Variants in GABRB1 observed in about 807,000 individuals in gnomAD.
GABRB1 encodes gamma-aminobutyric acid type A receptor subunit beta1.
GABRB1 carries 17 observed loss-of-function variants against 51.6 expected under a neutral mutation model. The observed-to-expected ratio is 0.33, with a 90% CI of 0.23 to 0.49. GABRB1 has a LOEUF of 0.49. GABRB1 is among the 20% of genes least tolerant of loss of function. The pLI is 0.99. For synonymous variants in GABRB1, 247 were observed against 218.9 expected (o/e 1.13, Z -1.14); for missense variants, 410 against 600.6 (o/e 0.68, Z 3.32).
intron 3 of GABRB1, among the ~76,000 whole-genome samples, chr4:47,084,592 CAT>C (rs1366061544): frequency 1.3e-5 from 2 of 152,202 alleles, no homozygotes; most frequent in Admixed American, 1.3e-4. Context: ...AAGCACTTAA[CAT>C]AGCACTTGGC....
At chr4:47,284,119 A>G (rs1250597384) in intron 4 of GABRB1, among the ~76,000 whole-genome samples, 1 of 151,170 alleles carries the variant, frequency 6.6e-6, no homozygotes, top group Non-Finnish European at 1.5e-5. Flanking sequence ...AAAAAAAAAA[A>G]AGGAAGTCCC....
intron 3 of GABRB1, among the ~76,000 whole-genome samples, chr4:47,114,590 T>C (rs1479514719): frequency 1.3e-5 from 2 of 152,232 alleles, no homozygotes; most frequent in African/African-American, 2.4e-5. Flanking sequence ...ATATTTGGCA[T>C]GTGACTTTTC....
chr4:47,099,379 A>G (rs1465813214), intron 3 of GABRB1, among the ~76,000 whole-genome samples: 1 of 151,446 alleles, frequency 6.6e-6, no homozygotes, highest in Non-Finnish European at 1.5e-5. Context: ...TGGACTTTTC[A>G]TTACTCCATT....
At chr4:47,211,206 A>C (rs974039432) in intron 4 of GABRB1, among the ~76,000 whole-genome samples, 62 of 152,158 alleles carry the variant, frequency 4.1e-4, no homozygotes, top group Admixed American at 4.1e-3. Context: ...ATATGAGTTT[A>C]TGACATCCTT....
intron 4 of GABRB1, among the ~76,000 whole-genome samples, chr4:47,173,717 T>C (rs1261615751): frequency 1.3e-5 from 2 of 152,186 alleles, no homozygotes; most frequent in African/African-American, 2.4e-5. Context: ...TTATTTGAGT[T>C]TTCTACCTGT....
At chr4:46,994,243 T>C (rs889719712) in intron 1 of GABRB1, 1 of 152,246 alleles carries the variant, frequency 6.6e-6, no homozygotes, top group Admixed American at 6.5e-5. Flanking sequence ...CCCATTTCTT[T>C]ACCCGCCTCC....
chr4:47,093,977 A>G (rs939996805), intron 3 of GABRB1, among the ~76,000 whole-genome samples: 2 of 151,688 alleles, frequency 1.3e-5, no homozygotes, highest in Non-Finnish European at 2.9e-5. Flanking sequence ...AAAAGTGATC[A>G]CTACTGCCTT....
intron 4 of GABRB1, among the ~76,000 whole-genome samples, chr4:47,220,098 A>T (rs182369306): frequency 6.6e-5 from 10 of 152,052 alleles, no homozygotes; most frequent in African/African-American, 2.4e-4. Context: ...ATGCTTTAAA[A>T]GAGTCCCTAT....
chr4:47,087,269 G>A (rs894605268), intron 3 of GABRB1, among the ~76,000 whole-genome samples: 6 of 105,202 alleles, frequency 5.7e-5, no homozygotes, highest in Admixed American at 3.3e-4. Context: ...AATAAAATAC[G>A]GTAGCATTAA....
At chr4:47,322,372 G>C (rs547463538) in intron 5 of GABRB1, among the ~76,000 whole-genome samples, 1 of 152,274 alleles carries the variant, frequency 6.6e-6, no homozygotes, top group Admixed American at 6.5e-5. Flanking sequence ...ACAATTCCTA[G>C]ATACTTACCT....
chr4:47,254,357 C>CTT (rs1560299723), intron 4 of GABRB1, among the ~76,000 whole-genome samples: 1 of 49,660 alleles, frequency 2.0e-5, no homozygotes, highest in Admixed American at 2.3e-4. Context: ...TGTTTCTTTT[C>CTT]TTTGTTTTTT....
chr4:47,340,829 A>G (rs1228982633), intron 5 of GABRB1, among the ~76,000 whole-genome samples: 3 of 152,210 alleles, frequency 2.0e-5, no homozygotes, highest in East Asian at 1.9e-4. Context: ...CATCTTTTCT[A>G]TGATAGCTGT....
chr4:47,087,901 T>C (rs376043127), intron 3 of GABRB1, among the ~76,000 whole-genome samples: 1 of 152,238 alleles, frequency 6.6e-6, no homozygotes, highest in Admixed American at 6.5e-5. Flanking sequence ...AGGCTTTTGA[T>C]ACAAAGAAGC....
intron 4 of GABRB1, among the ~76,000 whole-genome samples, chr4:47,301,492 G>A (rs1284298588): frequency 6.6e-6 from 1 of 151,944 alleles, no homozygotes; most frequent in Non-Finnish European, 1.5e-5. Context: ...AATTTAGCCA[G>A]GCATGGTGGT....
At chr4:47,107,917 A>G (rs945685229) in intron 3 of GABRB1, among the ~76,000 whole-genome samples, 1 of 152,074 alleles carries the variant, frequency 6.6e-6, no homozygotes, top group African/African-American at 2.4e-5. Flanking sequence ...AGAAAAAATA[A>G]AAGCTGCTAA....
chr4:47,223,652 A>G (rs1215899145), intron 4 of GABRB1, among the ~76,000 whole-genome samples: 2 of 152,122 alleles, frequency 1.3e-5, no homozygotes, highest in South Asian at 2.1e-4. Flanking sequence ...AGAGGCATGT[A>G]GGCTTTGGAA....
At chr4:47,232,690 G>A (rs1721182888) in intron 4 of GABRB1, among the ~76,000 whole-genome samples, 1 of 152,098 alleles carries the variant, frequency 6.6e-6, no homozygotes, top group Non-Finnish European at 1.5e-5. Context: ...CATGCTGTTA[G>A]TATCCACATC....
chr4:47,128,761 G>A (rs1040769737), intron 3 of GABRB1, among the ~76,000 whole-genome samples: 10 of 152,082 alleles, frequency 6.6e-5, no homozygotes, highest in South Asian at 4.2e-4. Context: ...GAGTAAATGA[G>A]TAGGTTTTTA....
intron 3 of GABRB1, among the ~76,000 whole-genome samples, chr4:47,157,311 C>T (rs1278918442): frequency 6.6e-6 from 1 of 152,046 alleles, no homozygotes; most frequent in Non-Finnish European, 1.5e-5. Context: ...AATGTCCCAT[C>T]TTCTCTGGAG....
Sources: gnomAD v4.1 joint callset for allele counts (sites outside exome capture counted in the v4.1 genomes callset) on GRCh38, gnomAD v4.1.1 for gene constraint, MANE v1.5 for transcripts, NCBI Gene and HGNC (gene_info 2026-07-23, HGNC 2026-07-21) for gene names.